The following PAPPA2 variants were observed in gnomAD, a reference collection of about 807,000 sequenced individuals.
PAPPA2 encodes pappalysin 2.
PAPPA2 carries 86 observed loss-of-function variants against 176.4 expected under a neutral mutation model. The observed-to-expected ratio is 0.49, with a 90% CI of 0.41 to 0.58. The LOEUF (loss-of-function observed/expected upper bound fraction) is 0.58, where lower values mean the gene tolerates loss of function less well. Ranked by LOEUF, PAPPA2 falls within the 20% of genes least tolerant of loss-of-function variation. The pLI is 0.00. For missense variants in PAPPA2, 2,073 were observed against 2,256.9 expected (o/e 0.92, Z 1.65); for synonymous variants, 809 against 852.2 (o/e 0.95, Z 0.88).
intron 2 of PAPPA2, among the ~76,000 whole-genome samples, chr1:176,585,275 ATTTG>A (rs1653240012): frequency 6.6e-6 from 1 of 150,900 alleles, no homozygotes; most frequent in African/African-American, 2.4e-5. Flanking sequence ...CGGCTGATGG[ATTTG>A]TTTGTTTTTT....
rs555194867 is a variant in PAPPA2 at position 176,473,856 on chromosome 1, C to G, written c.-917+10438C>G. Among the ~76,000 whole-genome samples the G allele has an allele frequency of 2.0e-5, 3 of 152,258 alleles. No individual in the cohort carries two copies. In the South Asian group the frequency reaches 6.2e-4, roughly 32 times the overall value. ...TCTTTGGTGAGGTTTCTGTTCCAGT[C>G]TTTTGCCCATTTTCTAATCTCATTG... On this transcript the variant is annotated intron_variant, in intron 1 of 22. Coordinates refer to ENST00000367662, the MANE Select transcript of PAPPA2 (RefSeq NM_020318.3).
chr1:176,632,932 T>C (rs964817496), intron 3 of PAPPA2, among the ~76,000 whole-genome samples: 1 of 151,496 alleles, frequency 6.6e-6, no homozygotes, highest in South Asian at 2.1e-4. Context: ...AAGGAGAAGA[T>C]GAAGATGAAC....
intron 5 of PAPPA2, 89 bp downstream of exon 5, chr1:176,690,519 G>A: frequency 6.5e-7 from 1 of 1,547,466 alleles, no homozygotes; most frequent in Non-Finnish European, 8.7e-7. Context: ...GCTGATGGGA[G>A]AATGATTAAG....
chr1:176,820,777 A>G (rs1557892424), intron 21 of PAPPA2, among the ~76,000 whole-genome samples: 1 of 151,918 alleles, frequency 6.6e-6, no homozygotes, highest in East Asian at 1.9e-4. Context: ...TATTGCAAAC[A>G]TTAGAGGCTT....
chr1:176,494,596 A>G (rs530597163), intron 1 of PAPPA2, among the ~76,000 whole-genome samples: 57 of 152,288 alleles, frequency 3.7e-4, no homozygotes, highest in African/African-American at 1.2e-3. Context: ...ACTGACGTCA[A>G]TGCAAGCTGT....
chr1:176,562,747 C>G (rs1651747339), intron 2 of PAPPA2, among the ~76,000 whole-genome samples: 1 of 152,214 alleles, frequency 6.6e-6, no homozygotes, highest in Non-Finnish European at 1.5e-5. Context: ...CTTGTGTGAA[C>G]AGGGCATAGC....
chr1:176,680,564 C>T (rs564980756), intron 4 of PAPPA2, among the ~76,000 whole-genome samples: 11 of 152,266 alleles, frequency 7.2e-5, no homozygotes, highest in African/African-American at 1.4e-4. Context: ...TTTCCCCTAA[C>T]GGTAGCATCT....
intron 20 of PAPPA2, among the ~76,000 whole-genome samples, chr1:176,796,234 T>C (rs772586875): frequency 6.6e-6 from 1 of 152,106 alleles, no homozygotes. Context: ...GTCCCATCAC[T>C]GGAGGAGAGT....
intron 12 of PAPPA2, among the ~76,000 whole-genome samples, chr1:176,730,604 T>TG (rs1232001594): frequency 2.6e-5 from 4 of 151,704 alleles, no homozygotes; most frequent in Non-Finnish European, 5.9e-5. Flanking sequence ...TTTTTGTTTT[T>TG]TTTTTGTATT....
At chr1:176,808,344 A>G (rs555171800) in intron 21 of PAPPA2, among the ~76,000 whole-genome samples, 2 of 152,306 alleles carry the variant, frequency 1.3e-5, no homozygotes, top group Admixed American at 6.5e-5. Flanking sequence ...CTAGGCAGGG[A>G]TTAATTCATA....
chr1:176,718,679 A>G (rs756831464), intron 12 of PAPPA2, among the ~76,000 whole-genome samples: 9 of 150,682 alleles, frequency 6.0e-5, no homozygotes, highest in South Asian at 2.1e-4. Context: ...ACTTGAAAAC[A>G]TATGTGGATT....
chr1:176,538,805 G>C (rs1262752246), intron 1 of PAPPA2, among the ~76,000 whole-genome samples: 1 of 152,122 alleles, frequency 6.6e-6, no homozygotes, highest in African/African-American at 2.4e-5. Flanking sequence ...CTTCATTCAT[G>C]GGTCTTTAAA....
intron 2 of PAPPA2, among the ~76,000 whole-genome samples, chr1:176,584,570 T>C (rs72716826): frequency 0.046 from 6,952 of 152,248 alleles, 256 homozygotes; most frequent in Non-Finnish European, 0.07. Context: ...TTGGATCTTT[T>C]AAAAATCCCT....
intron 17 of PAPPA2, among the ~76,000 whole-genome samples, chr1:176,778,728 G>A (rs1170724507): frequency 1.3e-5 from 2 of 152,108 alleles, no homozygotes; most frequent in Non-Finnish European, 2.9e-5. Flanking sequence ...CTCAAGGAAA[G>A]AACACACATT....
intron 3 of PAPPA2, among the ~76,000 whole-genome samples, chr1:176,639,788 C>T (rs1553379291): frequency 6.6e-6 from 1 of 150,554 alleles, no homozygotes; most frequent in Non-Finnish European, 1.5e-5. Flanking sequence ...GATCTTGGCT[C>T]ACTGCAACCT....
intron 21 of PAPPA2, among the ~76,000 whole-genome samples, chr1:176,805,932 G>A (rs1665884065): frequency 7.8e-6 from 1 of 127,408 alleles, no homozygotes; most frequent in Admixed American, 9.7e-5. Flanking sequence ...AGGTTACGGT[G>A]AACTATGATC....
At chr1:176,733,899 G>A (rs1449209408) in intron 12 of PAPPA2, among the ~76,000 whole-genome samples, 2 of 151,940 alleles carry the variant, frequency 1.3e-5, no homozygotes, top group Admixed American at 6.6e-5. Flanking sequence ...AGAGAGCTGG[G>A]ATGGCCCTTC....
chr1:176,470,965 C>A (rs1651845175), intron 1 of PAPPA2, among the ~76,000 whole-genome samples: 1 of 152,086 alleles, frequency 6.6e-6, no homozygotes, highest in South Asian at 2.1e-4. Flanking sequence ...AATAGCACAT[C>A]CTCAGAATGT....
chr1:176,782,811 A>G (rs182503544), intron 17 of PAPPA2, among the ~76,000 whole-genome samples: 1 of 152,266 alleles, frequency 6.6e-6, no homozygotes, highest in East Asian at 1.9e-4. Flanking sequence ...CCTCCGACTA[A>G]TCTTTGCTGA....
Sources: gnomAD v4.1 joint callset for allele counts (sites outside exome capture counted in the v4.1 genomes callset) on GRCh38, gnomAD v4.1.1 for gene constraint, MANE v1.5 for transcripts, NCBI Gene and HGNC (gene_info 2026-07-23, HGNC 2026-07-21) for gene names.